Variants in MYT1L observed in about 807,000 individuals in gnomAD.
MYT1L encodes myelin transcription factor 1-like protein.
A neutral mutation model predicts 126.7 loss-of-function variants in MYT1L; 12 were observed. That is an observed-to-expected ratio of 0.09 (90% CI 0.06 to 0.15). The LOEUF is 0.15. MYT1L is among the 10% of genes least tolerant of loss of function. The pLI is 1.00. For synonymous variants in MYT1L, 541 were observed against 604.2 expected (o/e 0.90, Z 1.53); for missense variants, 979 against 1,585.2 (o/e 0.62, Z 6.49).
chr2:2,286,263 G>A (rs1008517272), intron 1 of MYT1L, among the ~76,000 whole-genome samples: 2 of 152,160 alleles, frequency 1.3e-5, no homozygotes, highest in African/African-American at 4.8e-5. Flanking sequence ...TTACAGGCAT[G>A]GGATTACCAC....
chr2:1,881,821 C>T (rs572916695), intron 18 of MYT1L, among the ~76,000 whole-genome samples: 2 of 152,300 alleles, frequency 1.3e-5, no homozygotes, highest in Non-Finnish European at 2.9e-5. Context: ...CTGTAGTCAT[C>T]GCTAAATGTA....
chr2:2,180,770 G>A (rs1292347052), intron 2 of MYT1L, among the ~76,000 whole-genome samples: 1 of 150,390 alleles, frequency 6.6e-6, no homozygotes. Flanking sequence ...ACCTGTACCT[G>A]TATTTGTACC....
chr2:1,887,443 G>C lies in MYT1L; in HGVS notation c.2642+45C>G, dbSNP rs746270140. 6.2e-7 allele frequency: 1 copy of C among 1,612,980 alleles called. No individual in the cohort carries two copies. The highest frequency in any genetic ancestry group is 8.5e-7 in the Non-Finnish European group (1 of 1,179,140). Reference sequence around the variant, plus strand: ...AGTTTTAAAAAATCAGCCAAAGAATGGGAAGATTAAGAAGATTCATAATTT... The same window carrying C: ...AGTTTTAAAAAATCAGCCAAAGAATCGGAAGATTAAGAAGATTCATAATTT... On this transcript the variant is annotated intron_variant, in intron 17 of 24. Coordinates refer to ENST00000647738, the MANE Select transcript of MYT1L (RefSeq NM_001303052.2). The surrounding 1 kb of genome is among the most constrained non-coding windows in gnomAD (Gnocchi z 4.8).
intron 1 of MYT1L, among the ~76,000 whole-genome samples, chr2:2,304,433 C>T (rs551712855): frequency 9.9e-5 from 15 of 152,278 alleles, no homozygotes; most frequent in Non-Finnish European, 1.5e-4. Flanking sequence ...GAAGTGAGGA[C>T]GATGACTTAA....
chr2:1,962,952 C>T (rs1046562696), intron 8 of MYT1L, among the ~76,000 whole-genome samples: 22 of 152,194 alleles, frequency 1.4e-4, no homozygotes, highest in African/African-American at 5.1e-4. Flanking sequence ...CCATGAATCA[C>T]GAATGTACTT....
At chr2:2,142,658 A>G (rs1308030530) in intron 3 of MYT1L, among the ~76,000 whole-genome samples, 2 of 152,114 alleles carry the variant, frequency 1.3e-5, no homozygotes, top group Admixed American at 6.5e-5. Context: ...GAGCTGATGT[A>G]TATAGACAAG....
At chr2:2,144,131 C>T (rs893055668) in intron 3 of MYT1L, among the ~76,000 whole-genome samples, 11 of 152,260 alleles carry the variant, frequency 7.2e-5, no homozygotes, top group African/African-American at 2.2e-4. Flanking sequence ...TTACAAAATC[C>T]TAAAAACAGA....
chr2:2,312,734 A>G (rs2095995242), intron 1 of MYT1L, among the ~76,000 whole-genome samples: 1 of 152,204 alleles, frequency 6.6e-6, no homozygotes, highest in Non-Finnish European at 1.5e-5. Flanking sequence ...AGATAGAGAC[A>G]AAGTCGGCAT....
Position 1,791,422 on chromosome 2 carries a change from A to G in MYT1L, c.*445T>C, listed in dbSNP as rs1036273599. ...CATGAGGCAAAATGATAACGTCTAA[A>G]AAGCGGCTGCTCAGCCACAACATGA... On this transcript the variant is annotated 3_prime_UTR_variant, in exon 25 of 25. Transcript: ENST00000647738. This position sits in a 1 kb window ranked among gnomAD's most constrained non-coding sequence, Gnocchi z 6.0. 12 of 375,968 alleles carry G rather than the reference A, an allele frequency of 3.2e-5. No homozygotes were observed. The highest frequency in any genetic ancestry group is 1.9e-4 in the African/African-American group (9 of 47,276). 23.3% of individuals were successfully genotyped at this position (375,968 alleles called of 1,614,324 possible). A position where few individuals can be genotyped will look rare whatever the true frequency, so the allele number is the denominator to read the frequency against.
intron 1 of MYT1L, among the ~76,000 whole-genome samples, chr2:2,318,392 C>T (rs949374490): frequency 6.6e-6 from 1 of 152,120 alleles, no homozygotes; most frequent in African/African-American, 2.4e-5. Flanking sequence ...CTGTTTTGAT[C>T]ATTAACTTTA....
chr2:2,187,905 C>G (rs2092324588), intron 2 of MYT1L, among the ~76,000 whole-genome samples: 3 of 152,136 alleles, frequency 2.0e-5, no homozygotes, highest in South Asian at 4.1e-4. Context: ...CAGATTATCC[C>G]TCTCTCTCCA....
chr2:2,295,763 CAGACAGAG>C (rs2095680456), intron 1 of MYT1L, among the ~76,000 whole-genome samples: 2 of 28,604 alleles, frequency 7.0e-5, no homozygotes, highest in Admixed American at 3.1e-4. Flanking sequence ...GACAGACAGA[CAGACAGAG>C]AGAGAGATAG....
At chr2:2,124,049 T>TC (rs2081378482) in intron 3 of MYT1L, among the ~76,000 whole-genome samples, 1 of 152,158 alleles carries the variant, frequency 6.6e-6, no homozygotes, top group African/African-American at 2.4e-5. Flanking sequence ...CCACAGAGTG[T>TC]ATGGCCAATG....
chr2:1,840,786 T>C lies in MYT1L; in HGVS notation c.2832A>G (p.Glu944=). The change falls in exon 20 of 25, where the codon GAA becomes GAG. Residue 944 remains glutamate, a synonymous_variant. Transcript: ENST00000647738. ...TGATGGGTTCTTGATCTTCTTTATC[T>C]TCTTTGCTCTGTGCTATCCTGATAC... ...KSGIRIAQSK[E]DKEDQEPIRC... is the part of the protein sequence containing the mutation. 6.4e-7 allele frequency: 1 copy of C among 1,551,058 alleles called. No homozygotes were observed.
intron 21 of MYT1L, among the ~76,000 whole-genome samples, chr2:1,817,726 G>A (rs949560192): frequency 1.3e-5 from 2 of 152,154 alleles, no homozygotes; most frequent in East Asian, 1.9e-4. Flanking sequence ...TGCTGGTCCC[G>A]GGCTCTCGGG....
At chr2:1,866,373 G>T (rs762124813) in intron 18 of MYT1L, among the ~76,000 whole-genome samples, 1 of 151,790 alleles carries the variant, frequency 6.6e-6, no homozygotes, top group Non-Finnish European at 1.5e-5. Flanking sequence ...GCCTTACGAA[G>T]ATGAGAGAGA....
intron 2 of MYT1L, among the ~76,000 whole-genome samples, chr2:2,225,941 G>C (rs2093998149): frequency 6.6e-6 from 1 of 152,158 alleles, no homozygotes; most frequent in Admixed American, 6.5e-5. Flanking sequence ...GCTTGCCCCA[G>C]GTCAGAGAGT....
At chr2:1,945,088 C>T (rs1258401580) in intron 8 of MYT1L, among the ~76,000 whole-genome samples, 1 of 152,156 alleles carries the variant, frequency 6.6e-6, no homozygotes, top group Non-Finnish European at 1.5e-5. Context: ...AAAACTAAAA[C>T]AAAAGCAAAC....
chr2:2,167,029 G>A (rs2089250348), intron 3 of MYT1L, among the ~76,000 whole-genome samples: 1 of 152,116 alleles, frequency 6.6e-6, no homozygotes, highest in African/African-American at 2.4e-5. Context: ...TGTAAATCAG[G>A]TCACTTCCGC....
Sources: gnomAD v4.1 joint callset for allele counts (sites outside exome capture counted in the v4.1 genomes callset) on GRCh38, gnomAD v4.1.1 for gene constraint, Gnocchi (gnomAD v3.1) non-coding constraint, MANE v1.5 for transcripts, NCBI Gene and HGNC (gene_info 2026-07-23, HGNC 2026-07-21) for gene names.